The following C8orf90 variants were observed in gnomAD, a reference collection of about 807,000 sequenced individuals.
The protein encoded by C8orf90 is uncharacterized protein C8orf90.
chr8:141,518,713 TAAAG>T, the C8orf90 span: 5 of 492,000 alleles, frequency 1.0e-5, no homozygotes, highest in African/African-American at 4.1e-5. Context: ...ACAGAATAAA[TAAAG>T]AGTTTCCCCA....
chr8:141,515,327 C>T, the C8orf90 span, among the ~76,000 whole-genome samples: 1 of 145,586 alleles, frequency 6.9e-6, no homozygotes, highest in African/African-American at 2.6e-5. Flanking sequence ...TCCATCCATC[C>T]ATCCATCCAT....
At chr8:141,518,319 G>A in the C8orf90 span, 9 of 671,598 alleles carry the variant, frequency 1.3e-5, no homozygotes, top group Middle Eastern at 2.4e-4. Flanking sequence ...ACCGCGCGCT[G>A]GGCAAGCAGG....
At chr8:141,515,678 A>C in the C8orf90 span, among the ~76,000 whole-genome samples, 4 of 150,470 alleles carry the variant, frequency 2.7e-5, no homozygotes, top group East Asian at 2.0e-4. Context: ...GGCCTCCTCC[A>C]CCCCTCCTCA....
At chr8:141,516,339 C>T in the C8orf90 span, among the ~76,000 whole-genome samples, 5 of 152,204 alleles carry the variant, frequency 3.3e-5, no homozygotes, top group African/African-American at 7.2e-5. Flanking sequence ...GCTGCCTCCA[C>T]GTTCTCCCCT....
At chr8:141,515,019 G>A in the C8orf90 span, among the ~76,000 whole-genome samples, 2 of 151,926 alleles carry the variant, frequency 1.3e-5, no homozygotes, top group African/African-American at 2.4e-5. Context: ...GAAGGGGTTG[G>A]CTCTCTTCCT....
At chr8:141,518,322 C>G in the C8orf90 span, 1 of 672,062 alleles carries the variant, frequency 1.5e-6, no homozygotes, top group Non-Finnish European at 2.7e-6. Flanking sequence ...GCGCGCTGGG[C>G]AAGCAGGACG....
chr8:141,517,253 T>TAA, the C8orf90 span, among the ~76,000 whole-genome samples: 1 of 152,250 alleles, frequency 6.6e-6, no homozygotes, highest in African/African-American at 2.4e-5. Flanking sequence ...TCCCACTTCC[T>TAA]AGCCTCCCAG....
chr8:141,514,845 G>T, the C8orf90 span: 1 of 680,294 alleles, frequency 1.5e-6, no homozygotes, highest in South Asian at 1.6e-5. Context: ...AGCAGGAAGC[G>T]GCCCTCTGAC....
At chr8:141,518,400 C>T in the C8orf90 span, 122 of 674,270 alleles carry the variant, frequency 1.8e-4, no homozygotes, top group East Asian at 3.3e-3. Context: ...CGCCGGGGTC[C>T]GACCCCGCCT....
At chr8:141,515,533 C>T in the C8orf90 span, among the ~76,000 whole-genome samples, 4 of 151,828 alleles carry the variant, frequency 2.6e-5, no homozygotes, top group African/African-American at 4.8e-5. Context: ...GCCACCCACC[C>T]GACAAACTGT....
At chr8:141,518,227 C>G in the C8orf90 span, 2 of 600,718 alleles carry the variant, frequency 3.3e-6, no homozygotes, top group Non-Finnish European at 5.9e-6. Flanking sequence ...TCCCGCGGCG[C>G]CCCCGGAGCC....
chr8:141,518,694 C>A, the C8orf90 span: 1 of 532,236 alleles, frequency 1.9e-6, no homozygotes, highest in Non-Finnish European at 3.3e-6. Flanking sequence ...GCCGCTGCCC[C>A]GAGAGCGAAC....
At chr8:141,516,057 C>T in the C8orf90 span, among the ~76,000 whole-genome samples, 1 of 152,186 alleles carries the variant, frequency 6.6e-6, no homozygotes, top group African/African-American at 2.4e-5. Flanking sequence ...GCGCTGTCCA[C>T]CCCGGCCTGC....
At chr8:141,517,249 T>A in the C8orf90 span, among the ~76,000 whole-genome samples, 1 of 152,256 alleles carries the variant, frequency 6.6e-6, no homozygotes, top group Non-Finnish European at 1.5e-5. Context: ...CCATTCCCAC[T>A]TCCTAGCCTC....
chr8:141,515,930 C>T, the C8orf90 span, among the ~76,000 whole-genome samples: 1 of 152,210 alleles, frequency 6.6e-6, no homozygotes, highest in Non-Finnish European at 1.5e-5. Context: ...TCCCTCTAAG[C>T]CCCCATCGTC....
the C8orf90 span, among the ~76,000 whole-genome samples, chr8:141,517,936 G>T: frequency 6.6e-6 from 1 of 152,180 alleles, no homozygotes; most frequent in African/African-American, 2.4e-5. Context: ...CATCGGGAAG[G>T]CTCTGCCCAA....
At chr8:141,518,421 C>T in the C8orf90 span, 3 of 670,656 alleles carry the variant, frequency 4.5e-6, no homozygotes, top group Non-Finnish European at 8.1e-6. Context: ...GCGGGCCGCT[C>T]TTCTACGACC....
At chr8:141,518,348 T>C in the C8orf90 span, 2 of 673,702 alleles carry the variant, frequency 3.0e-6, no homozygotes, top group Non-Finnish European at 5.4e-6. Context: ...GCCATCCGCG[T>C]GCTCACCGAG....
At chr8:141,518,683 C>T in the C8orf90 span, 1 of 540,996 alleles carries the variant, frequency 1.8e-6, no homozygotes, top group Non-Finnish European at 3.3e-6. Context: ...GCCCAGGCCC[C>T]GCCGCTGCCC....
Sources: allele counts gnomAD v4.1 joint callset (sites outside exome capture counted in the v4.1 genomes callset), GRCh38; gene constraint gnomAD v4.1.1; transcripts MANE v1.5; gene names NCBI Gene and HGNC (gene_info 2026-07-23, HGNC 2026-07-21).